TUSC3: variants seen among roughly 807,000 people sequenced by gnomAD.
TUSC3 encodes the protein tumor suppressor candidate 3.
A neutral mutation model predicts 44.8 loss-of-function variants in TUSC3; 45 were observed. That is an observed-to-expected ratio of 1.00 (90% CI 0.79 to 1.29). The LOEUF is 1.29. Among genes scored for constraint, TUSC3 ranks in the 50% most tolerant of loss-of-function variants. The pLI is 0.00. For missense variants in TUSC3, 519 were observed against 437.9 expected, an observed-to-expected ratio of 1.19 and a Z score of -1.65; for synonymous variants, 212 against 152.9, an observed-to-expected ratio of 1.39 and a Z score of -2.85.
chr8:15,774,270 G>A, the TUSC3 span, among the ~76,000 whole-genome samples: 3 of 152,000 alleles, frequency 2.0e-5, no homozygotes, highest in Non-Finnish European at 4.4e-5. Flanking sequence ...GTCCTGATCC[G>A]AGTACTTCAG....
intron 10 of TUSC3, among the ~76,000 whole-genome samples, chr8:15,762,227 ATGAAAATGATAGTTT>A (rs1234985458): frequency 1.3e-5 from 2 of 152,012 alleles, no homozygotes; most frequent in African/African-American, 2.4e-5. Context: ...ACTATTTAAA[ATGAAAATGATAGTTT>A]TGAAAATGAT....
chr8:15,834,031 T>A, the TUSC3 span, among the ~76,000 whole-genome samples: 2 of 151,974 alleles, frequency 1.3e-5, no homozygotes, highest in African/African-American at 4.8e-5. Context: ...TTGTCTATCA[T>A]ACTATTTATG....
In TUSC3 at chr8:15,419,791, A is replaced by T. The variant is rs796275505; in HGVS notation, n.91+2486A>T. ...AAAATAAGGGTAGGTGTTTAATATT[A>T]GCTATTTCTCAGCCCATTGTATGGT... On this transcript the variant is annotated intron_variant and non_coding_transcript_variant, in intron 1 of 5. Coordinates refer to the TUSC3 transcript ENST00000503191. Among the ~76,000 whole-genome samples, 78 of 152,300 alleles carry T rather than the reference A, an allele frequency of 5.1e-4. 1 individual carries two copies. Among genetic ancestry groups the T allele is most frequent in the African/African-American group, 1.8e-3 (75 of 41,584 alleles).
intron 1 of TUSC3, among the ~76,000 whole-genome samples, chr8:15,469,404 G>A (rs1800455184): frequency 6.6e-6 from 1 of 152,088 alleles, no homozygotes; most frequent in Non-Finnish European, 1.5e-5. Flanking sequence ...TATGAAAATA[G>A]GTTCTATATC....
intron 1 of TUSC3, among the ~76,000 whole-genome samples, chr8:15,566,399 T>C (rs1392907712): frequency 6.6e-6 from 1 of 152,104 alleles, no homozygotes; most frequent in Non-Finnish European, 1.5e-5. Flanking sequence ...TTATTCCTCA[T>C]AGGATTATTT....
intron 1 of TUSC3, among the ~76,000 whole-genome samples, chr8:15,443,207 C>T (rs957059257): frequency 6.6e-6 from 1 of 151,798 alleles, no homozygotes; most frequent in Admixed American, 6.6e-5. Context: ...ACACTGTCAC[C>T]CAGGCTGGAG....
chr8:15,592,573 G>T (rs994126635), intron 1 of TUSC3, among the ~76,000 whole-genome samples: 12 of 152,154 alleles, frequency 7.9e-5, no homozygotes, highest in Non-Finnish European at 1.8e-4. Flanking sequence ...CTCACCATGT[G>T]ATACATTGGC....
At chr8:15,737,786 A>G (rs929568892) in intron 7 of TUSC3, among the ~76,000 whole-genome samples, 5 of 152,154 alleles carry the variant, frequency 3.3e-5, no homozygotes, top group African/African-American at 1.2e-4. Context: ...TTAATCATTC[A>G]GCCTTCCACT....
At chr8:15,820,160 A>C in the TUSC3 span, among the ~76,000 whole-genome samples, 1 of 152,134 alleles carries the variant, frequency 6.6e-6, no homozygotes, top group Non-Finnish European at 1.5e-5. Context: ...ACCTTCATAA[A>C]TTCTGATTGA....
At chr8:15,740,752 C>G (rs574716656) in intron 7 of TUSC3, among the ~76,000 whole-genome samples, 2 of 152,250 alleles carry the variant, frequency 1.3e-5, no homozygotes, top group Admixed American at 6.5e-5. Context: ...AATACACTTA[C>G]CAAACCTCTC....
intron 1 of TUSC3, among the ~76,000 whole-genome samples, chr8:15,602,864 A>C (rs1485102942): frequency 6.6e-6 from 1 of 151,634 alleles, no homozygotes; most frequent in Non-Finnish European, 1.5e-5. Context: ...GATCCATGGA[A>C]AAGTAAAAGT....
At chr8:15,551,932 G>A (rs1422134690) in intron 1 of TUSC3, among the ~76,000 whole-genome samples, 1 of 151,624 alleles carries the variant, frequency 6.6e-6, no homozygotes, top group Admixed American at 6.6e-5. Flanking sequence ...TCATGACACA[G>A]TAAATAGATG....
chr8:15,500,192 G>A (rs1194576891), intron 2 of TUSC3, among the ~76,000 whole-genome samples: 3 of 152,154 alleles, frequency 2.0e-5, no homozygotes, highest in Non-Finnish European at 4.4e-5. Flanking sequence ...CACGTATCTG[G>A]TGGTGGCCTC....
intron 6 of TUSC3, among the ~76,000 whole-genome samples, chr8:15,679,703 C>T (rs938474931): frequency 6.6e-6 from 1 of 152,116 alleles, no homozygotes; most frequent in Non-Finnish European, 1.5e-5. Context: ...CTTAGGTTTT[C>T]ATCTAGGGTT....
At chr8:15,545,525 G>T (rs1207867068) in intron 1 of TUSC3, among the ~76,000 whole-genome samples, 1 of 151,662 alleles carries the variant, frequency 6.6e-6, no homozygotes, top group African/African-American at 2.4e-5. Context: ...TGAAAAGATG[G>T]TCCAGAACAA....
intron 2 of TUSC3, among the ~76,000 whole-genome samples, chr8:15,629,375 G>C (rs1159983407): frequency 6.6e-6 from 1 of 152,074 alleles, no homozygotes; most frequent in Non-Finnish European, 1.5e-5. Flanking sequence ...CCATATGATA[G>C]TGGGCAGAGT....
chr8:15,673,702 G>C, intron 5 of TUSC3, 45 bp from the exon 6 acceptor site: 1 of 1,396,242 alleles, frequency 7.2e-7, no homozygotes, highest in Non-Finnish European at 1.0e-6. Flanking sequence ...CATTATTCTG[G>C]TATTCTCTGG....
intron 2 of TUSC3, among the ~76,000 whole-genome samples, chr8:15,627,313 G>C (rs1449403510): frequency 6.6e-6 from 1 of 152,172 alleles, no homozygotes; most frequent in Non-Finnish European, 1.5e-5. Context: ...GAGAGCTGAA[G>C]ACTTGTCAGG....
chr8:15,785,603 C>T, the TUSC3 span, among the ~76,000 whole-genome samples: 9 of 151,944 alleles, frequency 5.9e-5, no homozygotes, highest in East Asian at 9.6e-4. Context: ...TTGAAAACTG[C>T]GCAATCTGAG....
Sources: gnomAD v4.1 joint callset for allele counts (sites outside exome capture counted in the v4.1 genomes callset) on GRCh38, gnomAD v4.1.1 for gene constraint, MANE v1.5 for transcripts, NCBI Gene and HGNC (gene_info 2026-07-23, HGNC 2026-07-21) for gene names.